The following GLIS3 variants were observed in gnomAD, a reference collection of about 807,000 sequenced individuals.
GLIS3 encodes the protein GLIS family zinc finger 3.
In GLIS3, 53 loss-of-function variants were observed where a neutral mutation model predicts 78.6. The observed-to-expected ratio is 0.67, with a 90% confidence interval of 0.54 to 0.85. The LOEUF is 0.85. Ranked by LOEUF, GLIS3 falls within the 40% of genes least tolerant of loss-of-function variation. The probability of loss-of-function intolerance (pLI) is 0.00; values close to 1 mark genes in which losing one functional copy is unlikely to be tolerated. For missense variants in GLIS3, 1,703 were observed against 1,231.1 expected (o/e 1.38, Z -5.74); for synonymous variants, 684 against 509.9 (o/e 1.34, Z -4.60).
At chr9:4,144,214 G>A (rs1834032010) in intron 2 of GLIS3, among the ~76,000 whole-genome samples, 1 of 150,772 alleles carries the variant, frequency 6.6e-6, no homozygotes, top group Non-Finnish European at 1.5e-5. Context: ...GTCCAAAGGA[G>A]GAAAGAATAG....
At chr9:3,834,579 C>T (rs983562628) in intron 9 of GLIS3, among the ~76,000 whole-genome samples, 2 of 152,126 alleles carry the variant, frequency 1.3e-5, no homozygotes, top group Non-Finnish European at 2.9e-5. Flanking sequence ...AACTTTGTTT[C>T]AAGAGTATTT....
At chr9:4,470,257 G>C in the GLIS3 span, among the ~76,000 whole-genome samples, 1 of 152,152 alleles carries the variant, frequency 6.6e-6, no homozygotes, top group Admixed American at 6.5e-5. Flanking sequence ...CATTTTATGA[G>C]GCCAGCATCA....
chr9:3,879,494 G>C lies in GLIS3; in HGVS notation c.2230C>G (p.Gln744Glu), dbSNP rs1821577180. The C allele has an allele frequency of 6.2e-7, 1 of 1,614,112 alleles. No homozygotes were observed. The highest frequency in any genetic ancestry group is 8.5e-7 in the Non-Finnish European group (1 of 1,179,998). ...VSHPSPGHNV[Q>E]GSPHNPSSQL... ...GAGGAGGGGTTGTGAGGGCTCCCCT[G>C]TACATTATGTCCTGGAGAAGGGTGA... is the stretch of plus-strand genomic sequence containing the variant. Residue 744 changes from glutamine (Q) to glutamate (E), a missense_variant, in exon 8 of 11, where the codon CAG becomes GAG. By Grantham distance (29) the Gln-to-Glu change is conservative (BLOSUM62 2). Coordinates refer to ENST00000381971, the MANE Select transcript of GLIS3 (RefSeq NM_001042413.2).
the GLIS3 span, among the ~76,000 whole-genome samples, chr9:4,384,309 T>C: frequency 1.3e-5 from 2 of 151,502 alleles, no homozygotes; most frequent in Admixed American, 6.6e-5. Context: ...TTTTAGATAA[T>C]ACTGTTCAGT....
chr9:3,929,368 C>T (rs577741382), intron 6 of GLIS3, among the ~76,000 whole-genome samples: 10 of 152,222 alleles, frequency 6.6e-5, no homozygotes, highest in East Asian at 1.9e-4. Context: ...TTTCTTTTCA[C>T]AGCTTGAATA....
chr9:4,351,082 T>C (rs190931764), upstream of GLIS3, among the ~76,000 whole-genome samples: 1 of 152,260 alleles, frequency 6.6e-6, no homozygotes, highest in Admixed American at 6.5e-5. Context: ...TCCATTTCTT[T>C]CTGATTCTGG....
chr9:4,044,947 G>A (rs1324007865), intron 4 of GLIS3, among the ~76,000 whole-genome samples: 2 of 152,120 alleles, frequency 1.3e-5, no homozygotes, highest in African/African-American at 4.8e-5. Context: ...AAAAGCAAGG[G>A]CAGATGTAAA....
At position 4,307,293 on chromosome 9, in the gene GLIS3, G is replaced by C. The variant is rs928610204; in HGVS notation, n.584+1484C>G. On this transcript the variant is annotated intron_variant and non_coding_transcript_variant, in intron 4 of 4. Coordinates refer to the GLIS3 transcript ENST00000471664. Reference sequence around the variant, plus strand: ...TGTAATACATGTTGATGAGATATGTGATAAACATAATTTATGTAAAATTTA... The same window carrying C: ...TGTAATACATGTTGATGAGATATGTCATAAACATAATTTATGTAAAATTTA... 2.6e-5 allele frequency among the ~76,000 whole-genome samples: 4 copies of C among 152,076 alleles called. No individual in the cohort carries two copies. The East Asian group carries it at 7.7e-4, about 29-fold the overall frequency.
At chr9:4,293,293 CTTA>C (rs781228070) in intron 1 of GLIS3, among the ~76,000 whole-genome samples, 3 of 152,168 alleles carry the variant, frequency 2.0e-5, no homozygotes, top group Admixed American at 6.5e-5. Flanking sequence ...ATTCAGGCAT[CTTA>C]TTGTGTCCCC....
chr9:4,349,742 G>C (rs542472345), upstream of GLIS3, among the ~76,000 whole-genome samples: 4 of 152,118 alleles, frequency 2.6e-5, no homozygotes, highest in East Asian at 1.9e-4. Flanking sequence ...ACTTTAAGCA[G>C]GGCTTGACAG....
At chr9:3,852,577 C>A (rs1375890165) in intron 9 of GLIS3, among the ~76,000 whole-genome samples, 1 of 152,120 alleles carries the variant, frequency 6.6e-6, no homozygotes, top group Non-Finnish European at 1.5e-5. Context: ...ATTGTATTGC[C>A]CACTTGAAAA....
At chr9:3,841,330 G>A (rs1219382934) in intron 9 of GLIS3, among the ~76,000 whole-genome samples, 1 of 152,182 alleles carries the variant, frequency 6.6e-6, no homozygotes, top group African/African-American at 2.4e-5. Context: ...ACATAAAATA[G>A]AGATTCTCAA....
chr9:4,267,543 CT>C (rs1185457225), intron 2 of GLIS3, among the ~76,000 whole-genome samples: 1 of 152,176 alleles, frequency 6.6e-6, no homozygotes, highest in Non-Finnish European at 1.5e-5. Flanking sequence ...TCTCTTTGTC[CT>C]TGACAATCCC....
intron 2 of GLIS3, among the ~76,000 whole-genome samples, chr9:4,310,994 T>C (rs183610630): frequency 6.6e-6 from 1 of 152,266 alleles, no homozygotes; most frequent in East Asian, 1.9e-4. Context: ...ACAGACAAGG[T>C]GTACAGGATT....
rs186112977 is a variant in GLIS3, at chr9:4,140,599, C to T, written c.389-14658G>A. ...AAGTACCCAGCTTCCTCCCAGAAGT[C>T]CCCCAGAGCTGCTCAACTATCTCAT... On this transcript the variant is annotated intron_variant, in intron 2 of 10. Transcript: ENST00000381971. Among the ~76,000 whole-genome samples, 7 of 152,246 alleles carry T rather than the reference C, an allele frequency of 4.6e-5. No homozygotes were observed. In the South Asian group the frequency reaches 1.0e-3, roughly 23 times the overall value.
At chr9:4,390,271 G>A in the GLIS3 span, among the ~76,000 whole-genome samples, 1 of 152,160 alleles carries the variant, frequency 6.6e-6, no homozygotes, top group Non-Finnish European at 1.5e-5. Flanking sequence ...ATATGCATAG[G>A]GTGCAATACT....
At chr9:3,893,575 C>A (rs1045735415) in intron 7 of GLIS3, among the ~76,000 whole-genome samples, 1 of 152,172 alleles carries the variant, frequency 6.6e-6, no homozygotes, top group Non-Finnish European at 1.5e-5. Flanking sequence ...GAACTAGATA[C>A]TACAGTGCAA....
intron 4 of GLIS3, among the ~76,000 whole-genome samples, chr9:3,973,985 T>C (rs1818574301): frequency 6.6e-6 from 1 of 152,146 alleles, no homozygotes; most frequent in African/African-American, 2.4e-5. Context: ...TATAAAAAAA[T>C]CAAACATTTA....
intron 2 of GLIS3, among the ~76,000 whole-genome samples, chr9:4,243,182 T>A (rs74337442): frequency 1.3e-5 from 2 of 152,144 alleles, no homozygotes; most frequent in Non-Finnish European, 2.9e-5. Flanking sequence ...TCAAACCCAC[T>A]TAATAATTAA....
Sources: gnomAD v4.1 joint callset for allele counts (sites outside exome capture counted in the v4.1 genomes callset) on GRCh38, gnomAD v4.1.1 for gene constraint, MANE v1.5 for transcripts, NCBI Gene and HGNC (gene_info 2026-07-23, HGNC 2026-07-21) for gene names.